Variants in CAMTA1 observed in about 807,000 individuals in gnomAD.
CAMTA1 encodes the protein calmodulin-binding transcription activator 1.
In CAMTA1, 27 loss-of-function variants were observed where a neutral mutation model predicts 170.9. The ratio of observed to expected loss-of-function variants is 0.16; its 90% CI spans 0.12 to 0.22. The LOEUF (loss-of-function observed/expected upper bound fraction) is 0.22. CAMTA1 is among the 10% of genes least tolerant of loss of function. CAMTA1 has a pLI of 1.00. For synonymous variants in CAMTA1, 833 were observed against 891.5 expected, an observed-to-expected ratio of 0.93 and a Z score of 1.17; for missense variants, 1,619 against 2,217.2, an observed-to-expected ratio of 0.73 and a Z score of 5.42.
chr1:7,366,741 C>T (rs768079789), intron 5 of CAMTA1, among the ~76,000 whole-genome samples: 4 of 152,214 alleles, frequency 2.6e-5, no homozygotes, highest in East Asian at 1.9e-4. Context: ...AGGGCACTGG[C>T]GCCAGCCTTG....
chr1:7,600,340 G>T (rs1484637467), intron 6 of CAMTA1, among the ~76,000 whole-genome samples: 1 of 152,114 alleles, frequency 6.6e-6, no homozygotes, highest in Non-Finnish European at 1.5e-5. Flanking sequence ...GATTCAGTTT[G>T]CCAGTATTTT....
rs2096253866 is a variant in CAMTA1, at chr1:7,685,913, C to T, written c.2914+8180C>T. Among the ~76,000 whole-genome samples, 2 of 152,190 alleles carry T rather than the reference C, an allele frequency of 1.3e-5. No individual in the cohort carries two copies. The highest frequency in any genetic ancestry group is 4.1e-4 in the South Asian group (2 of 4,832). ...CCTGTGGATAATCCCACCCAAAAAC[C>T]CAGGAGTCACCCCTTGCTCACTCCC... On this transcript the variant is annotated intron_variant, in intron 11 of 22. Coordinates refer to ENST00000303635, the MANE Select transcript of CAMTA1 (RefSeq NM_015215.4). This position sits in a 1 kb window ranked among gnomAD's most constrained non-coding sequence, Gnocchi z 5.7.
chr1:7,267,850 A>G (rs538032719), intron 5 of CAMTA1, among the ~76,000 whole-genome samples: 1 of 152,252 alleles, frequency 6.6e-6, no homozygotes, highest in Non-Finnish European at 1.5e-5. Flanking sequence ...CCTCTCAGTG[A>G]GGAAGCCAGC....
intron 5 of CAMTA1, among the ~76,000 whole-genome samples, chr1:7,373,122 C>G (rs1200367302): frequency 2.6e-5 from 4 of 152,188 alleles, no homozygotes; most frequent in African/African-American, 9.7e-5. Flanking sequence ...AATCTTGGCT[C>G]TATCAGCCAT....
At chr1:7,260,928 T>G (rs924537903) in intron 5 of CAMTA1, among the ~76,000 whole-genome samples, 1 of 152,198 alleles carries the variant, frequency 6.6e-6, no homozygotes. Context: ...TTACTTAGAA[T>G]GTATTTTATT....
intron 7 of CAMTA1, among the ~76,000 whole-genome samples, chr1:7,660,837 C>T (rs1242655093): frequency 1.3e-5 from 2 of 152,250 alleles, no homozygotes; most frequent in Non-Finnish European, 2.9e-5. Context: ...AGCTGCGAAT[C>T]CACTGCCTCT....
intron 5 of CAMTA1, among the ~76,000 whole-genome samples, chr1:7,453,732 C>T (rs529714420): frequency 6.6e-6 from 1 of 152,330 alleles, no homozygotes; most frequent in South Asian, 2.1e-4. Flanking sequence ...GGAGGCAAGG[C>T]CTAGAGAGCT....
intron 10 of CAMTA1, among the ~76,000 whole-genome samples, chr1:7,672,473 G>A (rs531249793): frequency 6.6e-6 from 1 of 152,178 alleles, no homozygotes; most frequent in African/African-American, 2.4e-5. Context: ...CCAGGCTGGA[G>A]TGCAGTGATG....
At chr1:7,058,733 T>C (rs910656403) in intron 3 of CAMTA1, among the ~76,000 whole-genome samples, 1 of 152,182 alleles carries the variant, frequency 6.6e-6, no homozygotes, top group Non-Finnish European at 1.5e-5. Flanking sequence ...CCAGGACTTA[T>C]TAAAATCTGC....
At chr1:7,637,427 C>G (rs574392193) in intron 6 of CAMTA1, among the ~76,000 whole-genome samples, 1 of 152,350 alleles carries the variant, frequency 6.6e-6, no homozygotes, top group South Asian at 2.1e-4. Context: ...TGCCCAGGCA[C>G]AGGCAGGAGC....
chr1:7,316,144 G>A (rs1276454077), intron 5 of CAMTA1, among the ~76,000 whole-genome samples: 1 of 152,156 alleles, frequency 6.6e-6, no homozygotes, highest in African/African-American at 2.4e-5. Context: ...ACAACCTGCG[G>A]TGATCCAATT....
intron 3 of CAMTA1, among the ~76,000 whole-genome samples, chr1:7,046,945 C>G (rs1705477186): frequency 6.6e-6 from 1 of 152,212 alleles, no homozygotes; most frequent in South Asian, 2.1e-4. Context: ...GTTGATATTT[C>G]TGTTTTTCCT....
chr1:7,703,730 C>T (rs1005528892), intron 11 of CAMTA1, among the ~76,000 whole-genome samples: 4 of 152,148 alleles, frequency 2.6e-5, no homozygotes, highest in Non-Finnish European at 5.9e-5. Flanking sequence ...AATAGGCGGT[C>T]TCATCACAGG....
chr1:7,721,469 T>C (rs559399470), intron 11 of CAMTA1, among the ~76,000 whole-genome samples: 1 of 152,154 alleles, frequency 6.6e-6, no homozygotes, highest in Non-Finnish European at 1.5e-5. Context: ...TTAATAATAT[T>C]GGAGTGATGT....
chr1:7,108,045 T>A (rs6689952), intron 4 of CAMTA1, among the ~76,000 whole-genome samples: 1 of 151,924 alleles, frequency 6.6e-6, no homozygotes, highest in Non-Finnish European at 1.5e-5. Context: ...GTGGTCACCA[T>A]GGGAGGGGCC....
chr1:7,239,552 A>T (rs897834044), intron 4 of CAMTA1, among the ~76,000 whole-genome samples: 2 of 151,052 alleles, frequency 1.3e-5, no homozygotes, highest in African/African-American at 4.9e-5. Flanking sequence ...CCATGGCATC[A>T]TTTACGATAC....
intron 4 of CAMTA1, among the ~76,000 whole-genome samples, chr1:7,213,208 T>C (rs189227988): frequency 7.2e-5 from 11 of 152,340 alleles, no homozygotes. Context: ...AAAGTAGCCG[T>C]GCTTTATTTT....
At chr1:7,568,793 C>G (rs1387198913) in intron 6 of CAMTA1, among the ~76,000 whole-genome samples, 1 of 151,560 alleles carries the variant, frequency 6.6e-6, no homozygotes, top group Non-Finnish European at 1.5e-5. Flanking sequence ...TCACCACCAC[C>G]ATCCATCATC....
At chr1:7,086,017 C>T in intron 3 of CAMTA1, among the ~76,000 whole-genome samples, 1 of 152,146 alleles carries the variant, frequency 6.6e-6, no homozygotes, top group East Asian at 1.9e-4. Context: ...TCTGCAGGCA[C>T]CAAACTGTAT....
Sources: gnomAD v4.1 joint callset for allele counts (sites outside exome capture counted in the v4.1 genomes callset) on GRCh38, gnomAD v4.1.1 for gene constraint, Gnocchi (gnomAD v3.1) non-coding constraint, MANE v1.5 for transcripts, NCBI Gene and HGNC (gene_info 2026-07-23, HGNC 2026-07-21) for gene names.